ADAM12: variants seen among roughly 807,000 people sequenced by gnomAD.
ADAM12 encodes the protein disintegrin and metalloproteinase domain-containing protein 12.
In ADAM12, 70 loss-of-function variants were observed where a neutral mutation model predicts 106.4. The ratio of observed to expected loss-of-function variants is 0.66; its 90% CI spans 0.54 to 0.80. The LOEUF is 0.80. ADAM12 is among the 30% of genes least tolerant of loss of function. The pLI, the probability that ADAM12 is intolerant of heterozygous loss-of-function variation, is 0.00. For missense variants in ADAM12, 1,010 were observed against 1,171.9 expected, an observed-to-expected ratio of 0.86 and a Z score of 2.02; for synonymous variants, 420 against 433.5, an observed-to-expected ratio of 0.97 and a Z score of 0.39.
intron 4 of ADAM12, among the ~76,000 whole-genome samples, chr10:126,153,052 G>A (rs1956756384): frequency 6.6e-6 from 1 of 152,166 alleles, no homozygotes; most frequent in Admixed American, 6.5e-5. Context: ...CTTGCTGCTG[G>A]TGATCAGTTT....
chr10:126,212,755 C>T (rs1031116267), intron 3 of ADAM12, among the ~76,000 whole-genome samples: 1 of 152,146 alleles, frequency 6.6e-6, no homozygotes, highest in African/African-American at 2.4e-5. Context: ...GAGATGGATT[C>T]TCTTCAATTT....
At chr10:126,305,297 A>C (rs1347007312) in intron 2 of ADAM12, among the ~76,000 whole-genome samples, 1 of 152,026 alleles carries the variant, frequency 6.6e-6, no homozygotes, top group Non-Finnish European at 1.5e-5. Flanking sequence ...CAAGAAATGG[A>C]CTCCTGATAC....
intron 3 of ADAM12, among the ~76,000 whole-genome samples, chr10:126,155,833 A>T (rs1180135306): frequency 1.3e-5 from 2 of 152,224 alleles, no homozygotes; most frequent in African/African-American, 4.8e-5. Flanking sequence ...AGAAGAGAAT[A>T]GAACAGCAAT....
intron 3 of ADAM12, among the ~76,000 whole-genome samples, chr10:126,269,388 G>A (rs1024661144): frequency 1.3e-5 from 2 of 152,082 alleles, no homozygotes; most frequent in South Asian, 2.1e-4. Context: ...TGGTTCAAAC[G>A]CCTCTAACAA....
intron 4 of ADAM12, among the ~76,000 whole-genome samples, chr10:126,150,038 C>T (rs1162612354): frequency 6.6e-6 from 1 of 152,214 alleles, no homozygotes; most frequent in African/African-American, 2.4e-5. Context: ...TAACAGAATG[C>T]ACAAAACTAT....
intron 19 of ADAM12, among the ~76,000 whole-genome samples, chr10:126,038,952 C>CTTTTTTTTT (rs34277276): frequency 1.1e-3 from 78 of 71,564 alleles, no homozygotes; most frequent in East Asian, 6.0e-3. Context: ...GACACCATTT[C>CTTTTTTTTT]TTTTTTTTTT....
At chr10:126,386,889 T>G (rs1264323249) in intron 1 of ADAM12, among the ~76,000 whole-genome samples, 1 of 152,258 alleles carries the variant, frequency 6.6e-6, no homozygotes, top group East Asian at 1.9e-4. Flanking sequence ...CAGGATTCTT[T>G]CTTGACTTTC....
intron 3 of ADAM12, among the ~76,000 whole-genome samples, chr10:126,208,852 G>GTTTTTTTTTTT (rs5788775): frequency 6.9e-6 from 1 of 145,734 alleles, no homozygotes. Context: ...AAAAAAGAAA[G>GTTTTTTTTTTT]TTTTTTTTTT....
chr10:126,293,900 A>G (rs11244938), intron 2 of ADAM12, among the ~76,000 whole-genome samples: 36,532 of 152,018 alleles, frequency 0.24, 5,374 homozygotes, highest in Middle Eastern at 0.32. Context: ...CTTCTCTCCA[A>G]TCTCTGCTCT....
At position 126,012,481 on chromosome 10, in the gene ADAM12, T is replaced by G. The variant is rs1020407339; in HGVS notation, c.*4798A>C. 1 of 152,178 alleles carries G rather than the reference T, an allele frequency of 6.6e-6. No individual in the cohort carries two copies. The highest frequency in any genetic ancestry group is 1.5e-5 in the Non-Finnish European group (1 of 68,030). 9.4% of individuals were successfully genotyped at this position (152,178 alleles called of 1,614,324 possible). A position where few individuals can be genotyped will look rare whatever the true frequency, so the allele number is the denominator to read the frequency against. On this transcript the variant is annotated 3_prime_UTR_variant, in exon 23 of 23. Coordinates refer to ENST00000448723, the MANE Select transcript of ADAM12 (RefSeq NM_001288973.2). ...TTTGTGTTTACCTGTCGAACCCCAA[T>G]ATGAGAAATGTGTACAAAAGCAACA...
At chr10:126,074,771 C>G (rs1955066215) in intron 11 of ADAM12, among the ~76,000 whole-genome samples, 1 of 152,174 alleles carries the variant, frequency 6.6e-6, no homozygotes, top group Admixed American at 6.5e-5. Flanking sequence ...TTCAGGGATG[C>G]CTCTGTTTTA....
At chr10:126,239,230 G>T in intron 3 of ADAM12, among the ~76,000 whole-genome samples, 1 of 152,278 alleles carries the variant, frequency 6.6e-6, no homozygotes, top group Admixed American at 6.5e-5. Context: ...TAGATAACAG[G>T]TGGGATATGT....
At chr10:126,060,316 G>A (rs530470941) in intron 14 of ADAM12, among the ~76,000 whole-genome samples, 63 of 152,326 alleles carry the variant, frequency 4.1e-4, no homozygotes, top group African/African-American at 1.5e-3. Context: ...ATCATTAGTT[G>A]GAAGGAAGGG....
intron 14 of ADAM12, among the ~76,000 whole-genome samples, chr10:126,054,498 C>G (rs918684350): frequency 3.3e-5 from 5 of 152,216 alleles, no homozygotes; most frequent in South Asian, 2.1e-4. Context: ...AGGGGGAAGC[C>G]TTGTTTTATA....
At chr10:126,238,065 T>G (rs146520254) in intron 3 of ADAM12, among the ~76,000 whole-genome samples, 38 of 152,356 alleles carry the variant, frequency 2.5e-4, no homozygotes, top group African/African-American at 9.1e-4. Context: ...TCCAAAGCAT[T>G]TCTTTAAAAA....
chr10:126,344,537 T>G (rs1195382034), intron 1 of ADAM12, among the ~76,000 whole-genome samples: 1 of 152,192 alleles, frequency 6.6e-6, no homozygotes, highest in East Asian at 1.9e-4. Flanking sequence ...AACTTTAAAG[T>G]AGTTTTTTCC....
chr10:126,113,466 C>T (rs1955908383), intron 6 of ADAM12, among the ~76,000 whole-genome samples: 1 of 150,472 alleles, frequency 6.6e-6, no homozygotes, highest in South Asian at 2.1e-4. Context: ...TCAAGACCAG[C>T]CTGATCAACA....
intron 3 of ADAM12, among the ~76,000 whole-genome samples, chr10:126,259,297 A>C (rs978413149): frequency 6.6e-6 from 1 of 152,164 alleles, no homozygotes; most frequent in Non-Finnish European, 1.5e-5. Flanking sequence ...TATCCAAGCA[A>C]ATGTGATACA....
intron 3 of ADAM12, among the ~76,000 whole-genome samples, chr10:126,199,146 C>T (rs945490385): frequency 6.6e-6 from 1 of 152,080 alleles, no homozygotes; most frequent in African/African-American, 2.4e-5. Flanking sequence ...GGTTGAAGAC[C>T]CCAATAAGTT....
Sources: allele counts gnomAD v4.1 joint callset (sites outside exome capture counted in the v4.1 genomes callset), GRCh38; gene constraint gnomAD v4.1.1; transcripts MANE v1.5; gene names NCBI Gene and HGNC (gene_info 2026-07-23, HGNC 2026-07-21).